NBEAL2: variants seen among roughly 807,000 people sequenced by gnomAD.
NBEAL2 encodes the protein neurobeachin-like protein 2.
A neutral mutation model predicts 299.8 loss-of-function variants in NBEAL2; 160 were observed. That is an observed-to-expected ratio of 0.53 (90% CI 0.47 to 0.61). The LOEUF (loss-of-function observed/expected upper bound fraction) is 0.61, where lower values mean the gene tolerates loss of function less well. Among genes scored for constraint, NBEAL2 ranks in the 20% least tolerant of loss-of-function variants. The pLI is 0.00. For missense variants in NBEAL2, 3,112 were observed against 3,649.0 expected (o/e 0.85, Z 3.79); for synonymous variants, 1,493 against 1,542.3 (o/e 0.97, Z 0.75).
At position 47,009,047 on chromosome 3, in the gene NBEAL2, A is replaced by C; in HGVS notation, c.8086A>C (p.Thr2696Pro). 2 of 1,601,494 alleles carry C rather than the reference A, an allele frequency of 1.2e-6. No homozygotes were observed. The highest frequency in any genetic ancestry group is 1.7e-6 in the Non-Finnish European group (2 of 1,179,678). The change falls in exon 53 of 54, where the codon ACC becomes CCC. Residue 2696 changes from threonine (T) to proline (P), a missense_variant. Thr to Pro is a conservative substitution (Grantham distance 38). Transcript: ENST00000450053. ...GGTGGCCATCCGCAGCGTGGCCGTGACCAAGGAGCGCAGCCACGTGCTGGT... is the reference window on the plus strand; with the variant it reads ...GGTGGCCATCCGCAGCGTGGCCGTGCCCAAGGAGCGCAGCCACGTGCTGGT... ...MKVAIRSVAV[T>P]KERSHVLVGL...
At chr3:46,994,411 G>A (rs540842804) in intron 11 of NBEAL2, 44 bp from the exon 12 acceptor site, 20 of 1,530,708 alleles carry the variant, frequency 1.3e-5, no homozygotes, top group South Asian at 9.5e-5. Flanking sequence ...TTTGCCCTCC[G>A]GCCCATGTAT....
intron 17 of NBEAL2, 25 bp downstream of exon 17, chr3:46,996,858 G>A (rs763955482): frequency 2.9e-5 from 47 of 1,611,660 alleles, no homozygotes; most frequent in Non-Finnish European, 3.9e-5. Flanking sequence ...CAGGGGAGTG[G>A]TTGGCTCGAC....
chr3:46,989,076 C>CT lies in NBEAL2; in HGVS notation c.270-8dup, dbSNP rs2107291899. ...TTATTGTGACCTCTCTCATCATTGA[C>CT]TCCCCCAGGAACCTGGAGAACATAG... On this transcript the variant is annotated splice_polypyrimidine_tract_variant and intron_variant, in intron 3 of 53. Transcript: ENST00000450053. The surrounding 1 kb of genome is among the most constrained non-coding windows in gnomAD (Gnocchi z 5.5). 1 of 1,613,338 alleles carries CT rather than the reference C, an allele frequency of 6.2e-7. No homozygotes were observed. Among genetic ancestry groups the CT allele is most frequent in the Non-Finnish European group, 8.5e-7 (1 of 1,179,646 alleles).
intron 21 of NBEAL2, 61 bp downstream of exon 21, chr3:46,998,287 A>G: frequency 6.4e-7 from 1 of 1,569,096 alleles, no homozygotes; most frequent in Admixed American, 1.8e-5. Flanking sequence ...GAGAAGTTAG[A>G]ACTCTGCTCT....
At chr3:47,008,937 C>G in intron 52 of NBEAL2, 52 bp from the exon 53 acceptor site, 2 of 1,596,248 alleles carry the variant, frequency 1.3e-6, no homozygotes, top group East Asian at 2.2e-5. Flanking sequence ...ATCTGCTGGT[C>G]GCAAAGCCCC....
At position 46,982,534 on chromosome 3, in the gene NBEAL2, C is replaced by G. The variant is rs2035416466; in HGVS notation, c.51+2622C>G. On this transcript the variant is annotated intron_variant, in intron 1 of 53. Transcript: ENST00000450053. This position sits in a 1 kb window ranked among gnomAD's most constrained non-coding sequence, Gnocchi z 4.2. ...AGGGAAGAGGGAAGGGTCAGAGCAT[C>G]CCAGGACTTCACTCAGTTGGAGCTC... is the stretch of plus-strand genomic sequence containing the variant. Among the ~76,000 whole-genome samples, 1 of 152,156 alleles carries G rather than the reference C, an allele frequency of 6.6e-6. No individual in the cohort carries two copies. The highest frequency in any genetic ancestry group is 1.5e-5 in the Non-Finnish European group (1 of 68,032).
In NBEAL2 at chr3:47,003,909, G is replaced by A. The variant is rs1472571753; in HGVS notation, c.5814G>A (p.Leu1938=). The A allele has an allele frequency of 1.2e-6, 2 of 1,613,740 alleles. No individual in the cohort carries two copies. The highest frequency in any genetic ancestry group is 8.5e-7 in the Non-Finnish European group (1 of 1,179,758). Residue 1938 remains leucine (L), a synonymous_variant, in exon 36 of 54, where the codon CTG becomes CTA. Coordinates refer to ENST00000450053, the MANE Select transcript of NBEAL2 (RefSeq NM_015175.3). This position sits in a 1 kb window ranked among gnomAD's most constrained non-coding sequence, Gnocchi z 7.0. ...CGGTAGTGGCCGTGGTCCCAGGGCT[G>A]CTGGAGGTCACCACACAGAATGTAT... ...LVTVVAVVPG[L]LEVTTQNVYF...
intron 6 of NBEAL2, among the ~76,000 whole-genome samples, chr3:46,990,566 T>C (rs1002158559): frequency 1.3e-5 from 2 of 152,118 alleles, no homozygotes; most frequent in Non-Finnish European, 2.9e-5. Flanking sequence ...CAAGGAGGCC[T>C]CCCACCCATC....
Position 46,988,081 on chromosome 3 carries a change from A to G in NBEAL2, c.52-588A>G. On this transcript the variant is annotated intron_variant, in intron 1 of 53. Coordinates refer to ENST00000450053, the MANE Select transcript of NBEAL2 (RefSeq NM_015175.3). This position sits in a 1 kb window ranked among gnomAD's most constrained non-coding sequence, Gnocchi z 4.4. The stretch of plus-strand genomic sequence containing the variant: ...AGCTCTGGGGCCTGGGGTCCAGGTA[A>G]CCAGCAAGGGTGGGTGGAGGTTCCC... The G allele has an allele frequency of 8.1e-7, 1 of 1,229,190 alleles. No homozygotes were observed. The highest frequency in any genetic ancestry group is 1.4e-5 in the South Asian group (1 of 73,496). 76.1% of individuals were successfully genotyped at this position (1,229,190 alleles called of 1,614,324 possible).
At position 47,003,838 on chromosome 3, in the gene NBEAL2, G is replaced by A. The variant is rs2107424068; in HGVS notation, c.5743G>A (p.Glu1915Lys). 1.2e-6 allele frequency: 2 copies of A among 1,609,744 alleles called. No individual in the cohort carries two copies. The highest frequency in any genetic ancestry group is 1.7e-4 in the Middle Eastern group (1 of 6,034). Residue 1915 changes from glutamate (E) to lysine (K), a missense_variant, in exon 36 of 54, where the codon GAG becomes AAG. Around this residue, in one of 3 missense-constraint regions of NBEAL2, gnomAD observed 2,243 missense variants for 2,538.1 expected, o/e 0.88. Transcript: ENST00000450053. This position sits in a 1 kb window ranked among gnomAD's most constrained non-coding sequence, Gnocchi z 7.0. ...ETPMEAAELD[E>K]QREKLVLSAE... ...TAGGATGGAGGCAGCAGAACTGGAT[G>A]AGCAGCGTGAGAAGCTGGTGCTGTC...
At position 47,003,125 on chromosome 3, in the gene NBEAL2, C is replaced by G; in HGVS notation, c.5584+44C>G. 3 of 1,610,012 alleles carry G rather than the reference C, an allele frequency of 1.9e-6. No homozygotes were observed. The highest frequency in any genetic ancestry group is 2.5e-6 in the Non-Finnish European group (3 of 1,177,456). ...ATGGGTCCACCCAACTCGATTGTCC[C>G]GTCTCCTGTCCTGCCTTGCTTCTGC... On this transcript the variant is annotated intron_variant, in intron 34 of 53. Transcript: ENST00000450053. This position sits in a 1 kb window ranked among gnomAD's most constrained non-coding sequence, Gnocchi z 7.0.
At chr3:46,986,421 T>C (rs1304646868) in intron 1 of NBEAL2, among the ~76,000 whole-genome samples, 1 of 151,918 alleles carries the variant, frequency 6.6e-6, no homozygotes, top group Non-Finnish European at 1.5e-5. Context: ...AAGGCCTGGA[T>C]AGGAGGATGT....
intron 1 of NBEAL2, among the ~76,000 whole-genome samples, chr3:46,986,287 G>C (rs1327160456): frequency 6.6e-6 from 1 of 152,176 alleles, no homozygotes; most frequent in African/African-American, 2.4e-5. Context: ...AGTATGTAGA[G>C]ATTGAGGGAC....
Position 47,009,464 on chromosome 3 carries a change from C to T in NBEAL2, c.*144C>T. ...CCTGCCCAGCTCAGGGATTGGCGGG[C>T]GATGTTACCCCCTCAGGGATTGGCG... On this transcript the variant is annotated 3_prime_UTR_variant, in exon 54 of 54. Coordinates refer to ENST00000450053, the MANE Select transcript of NBEAL2 (RefSeq NM_015175.3). 1 of 774,824 alleles carries T rather than the reference C, an allele frequency of 1.3e-6. No individual in the cohort carries two copies. The highest frequency in any genetic ancestry group is 2.1e-6 in the Non-Finnish European group (1 of 479,044). The allele number at this position is 774,824 out of a possible 1,614,324, so 48.0% of individuals were successfully genotyped here.
chr3:46,998,644 C>T (rs995928664), intron 22 of NBEAL2, 73 bp from the exon 23 acceptor site: 2 of 1,556,664 alleles, frequency 1.3e-6, no homozygotes, highest in African/African-American at 1.4e-5. Context: ...GGTGCGCTTC[C>T]CTGACTCACC....
In NBEAL2 at chr3:47,002,035, T is replaced by G; in HGVS notation, c.4898T>G (p.Leu1633Arg). The change falls in exon 31 of 54, where the codon CTG (leucine) becomes CGG (arginine). Residue 1633 changes from leucine (L) to arginine (R), a missense_variant. Physicochemically the swap from Leu to Arg is moderately radical, Grantham distance 102. Transcript: ENST00000450053. ...SKLEAALGRV[L>R]NTSSLESATD... ...CTGGAGGCTGCACTGGGGCGGGTGC[T>G]GAACACCTCTTCCTTGGAGTCAGCC... 1 of 1,565,010 alleles carries G rather than the reference T, an allele frequency of 6.4e-7. No individual in the cohort carries two copies. The highest frequency in any genetic ancestry group is 8.7e-7 in the Non-Finnish European group (1 of 1,155,304).
chr3:47,002,729 C>G lies in NBEAL2; in HGVS notation c.5386C>G (p.His1796Asp). The G allele has an allele frequency of 6.3e-7, 1 of 1,590,896 alleles. No individual in the cohort carries two copies. The highest frequency in any genetic ancestry group is 8.5e-7 in the Non-Finnish European group (1 of 1,172,036). ...AGTGCTGAAGCAGCAGGCAACGCAG[C>G]ACTCCATGGCCCTGCTGCACTGGGG... ...TAVLKQQATQ[H>D]SMALLHWGAL... The change falls in exon 33 of 54, where the codon CAC becomes GAC. Residue 1796 changes from histidine (H) to aspartate (D), a missense_variant. By Grantham distance (81) the His-to-Asp change is moderately conservative. Around this residue, in one of 3 missense-constraint regions of NBEAL2, gnomAD observed 2,243 missense variants for 2,538.1 expected, o/e 0.88. Coordinates refer to ENST00000450053, the MANE Select transcript of NBEAL2 (RefSeq NM_015175.3).
rs937517304 is a variant in NBEAL2 at position 46,998,093 on chromosome 3, C to T, written c.2985C>T (p.Asn995=). 9.5e-6 allele frequency: 15 copies of T among 1,576,576 alleles called. No individual in the cohort carries two copies. Among genetic ancestry groups the T allele is most frequent in the South Asian group, 3.5e-5 (3 of 86,346 alleles). Reference sequence around the variant, plus strand: ...TCCCAAGCTGGGCCATGGACATGAACGTGCTCATGTCCGCCCAGCTGCTGA... The same window carrying T: ...TCCCAAGCTGGGCCATGGACATGAATGTGCTCATGTCCGCCCAGCTGCTGA... ...RKVPSWAMDM[N]VLMSAQLLME... The change falls in exon 21 of 54, where the codon AAC becomes AAT. Residue 995 remains asparagine (N), a synonymous_variant. Coordinates refer to ENST00000450053, the MANE Select transcript of NBEAL2 (RefSeq NM_015175.3).
In NBEAL2 at chr3:47,006,420, C is replaced by G; in HGVS notation, c.7105C>G (p.Leu2369Val). 1 of 1,590,682 alleles carries G rather than the reference C, an allele frequency of 6.3e-7. No individual in the cohort carries two copies. Among genetic ancestry groups the G allele is most frequent in the Non-Finnish European group, 8.6e-7 (1 of 1,168,448 alleles). ...DTNSPSIFQH[L>V]DELKAFFAEV... ...TAACTCACCTAGCATCTTCCAGCAC[C>G]TGGACGAACTCAAGGCATTCTTCGC... is the stretch of plus-strand genomic sequence containing the variant. Residue 2369 changes from leucine to valine, a missense_variant, in exon 45 of 54, where the codon CTG becomes GTG. Leu to Val is a conservative substitution (Grantham distance 32). This residue lies in a region of NBEAL2 where 521 missense variants were observed against 729.6 expected (regional missense o/e 0.71). Coordinates refer to ENST00000450053, the MANE Select transcript of NBEAL2 (RefSeq NM_015175.3).
Sources: allele counts gnomAD v4.1 joint callset (sites outside exome capture counted in the v4.1 genomes callset), GRCh38; gene constraint gnomAD v4.1.1; regional missense constraint gnomAD v4.1.1; non-coding constraint Gnocchi (gnomAD v3.1); transcripts MANE v1.5; gene names NCBI Gene and HGNC (gene_info 2026-07-23, HGNC 2026-07-21).